Variants in RNF212 observed in about 807,000 individuals in gnomAD.
RNF212 encodes the protein probable E3 SUMO-protein ligase RNF212.
RNF212 carries 33 observed loss-of-function variants against 34.7 expected under a neutral mutation model. The ratio of observed to expected loss-of-function variants is 0.95; its 90% confidence interval spans 0.72 to 1.27. RNF212 has a LOEUF of 1.27. RNF212 is among the 50% of genes most tolerant of loss of function. RNF212 has a pLI of 0.00. For synonymous variants in RNF212, 140 were observed against 136.1 expected (o/e 1.03, Z -0.20); for missense variants, 377 against 362.2 (o/e 1.04, Z -0.33).
In RNF212 at chr4:1,096,793, C is replaced by T. The variant is rs766899794; in HGVS notation, c.218G>A (p.Cys73Tyr). 91 of 1,613,786 alleles carry T rather than the reference C, an allele frequency of 5.6e-5. No homozygotes were observed. The change falls in exon 3 of 10, where the codon TGT becomes TAT. Residue 73 changes from cysteine to tyrosine, a missense_variant. By Grantham distance (194) the Cys-to-Tyr change is radical. Coordinates refer to ENST00000433731, the MANE Select transcript of RNF212 (RefSeq NM_001131034.4). Reference sequence around the variant, plus strand: ...GGAGGTTTCCCTGGAGTACTTCTTACACAGACTGTCTATGCTCATGAAGAA... The same window carrying T: ...GGAGGTTTCCCTGGAGTACTTCTTATACAGACTGTCTATGCTCATGAAGAA... ...QAFFMSIDSL[C>Y]KKYSRETSQI...
intron 3 of RNF212, among the ~76,000 whole-genome samples, chr4:1,095,275 C>T (rs1490685740): frequency 2.3e-5 from 2 of 88,378 alleles, no homozygotes; most frequent in Non-Finnish European, 4.1e-5. Flanking sequence ...CCAAGCACAC[C>T]CCCCACAGCT....
chr4:1,077,961 A>G (rs1666419275), intron 8 of RNF212, among the ~76,000 whole-genome samples: 1 of 152,138 alleles, frequency 6.6e-6, no homozygotes, highest in Non-Finnish European at 1.5e-5. Flanking sequence ...GCTTGACCCA[A>G]CTGCCAAGGA....
chr4:1,088,259 G>T (rs1441827179), intron 4 of RNF212, among the ~76,000 whole-genome samples: 1 of 152,190 alleles, frequency 6.6e-6, no homozygotes, highest in Non-Finnish European at 1.5e-5. Flanking sequence ...ATTGGGACTG[G>T]AGCAAAGGTC....
At chr4:1,086,047 G>C in intron 4 of RNF212, 93 bp from the exon 5 acceptor site, 2 of 934,758 alleles carry the variant, frequency 2.1e-6, no homozygotes, top group Non-Finnish European at 3.5e-6. Context: ...TCAGAATGTG[G>C]GTTACTCTGC....
chr4:1,109,840 C>A (rs1428972854), intron 1 of RNF212, among the ~76,000 whole-genome samples: 1 of 152,188 alleles, frequency 6.6e-6, no homozygotes, highest in East Asian at 1.9e-4. Context: ...TATCCATACT[C>A]GCCTCAGTGT....
At chr4:1,094,021 G>C in intron 3 of RNF212, 1 of 1,514,776 alleles carries the variant, frequency 6.6e-7, no homozygotes, top group Non-Finnish European at 8.8e-7. Flanking sequence ...GATACTGTGG[G>C]TGATTCAGGC....
intron 4 of RNF212, among the ~76,000 whole-genome samples, chr4:1,088,952 C>A (rs562782889): frequency 6.6e-6 from 1 of 152,372 alleles, no homozygotes; most frequent in Non-Finnish European, 1.5e-5. Flanking sequence ...GATGTCCAGG[C>A]AGAAGTCTGC....
In RNF212 at chr4:1,072,264, G is replaced by A. The variant is rs1356083380; in HGVS notation, c.*610C>T. ...GGTTGGTGGGAGGTGGGGGAAGGAT[G>A]AACAGGTGGCGCACAGAGGATTTTT... On this transcript the variant is annotated 3_prime_UTR_variant, in exon 10 of 10. Transcript: ENST00000433731. The A allele has an allele frequency of 8.4e-6, 1 of 119,604 alleles. No homozygotes were observed. The highest frequency in any genetic ancestry group is 2.2e-4 in the East Asian group (1 of 4,542). 7.4% of individuals were successfully genotyped at this position (119,604 alleles called of 1,614,324 possible). A position where few individuals can be genotyped will look rare whatever the true frequency, so the allele number is the denominator to read the frequency against.
At chr4:1,109,549 G>A (rs1725331373) in intron 1 of RNF212, among the ~76,000 whole-genome samples, 1 of 152,120 alleles carries the variant, frequency 6.6e-6, no homozygotes, top group Non-Finnish European at 1.5e-5. Flanking sequence ...TAAGTGAGAG[G>A]TGGATTCACA....
At chr4:1,095,923 C>A (rs1577767740) in intron 3 of RNF212, among the ~76,000 whole-genome samples, 3 of 74,770 alleles carry the variant, frequency 4.0e-5, no homozygotes, top group Admixed American at 1.2e-4. Flanking sequence ...ACCAAGCACA[C>A]CTCCCACAGC....
At chr4:1,096,991 C>A in intron 2 of RNF212, 152 bp from the exon 3 acceptor site, 4 of 669,014 alleles carry the variant, frequency 6.0e-6, no homozygotes, top group Non-Finnish European at 5.4e-6. Flanking sequence ...CTGCCAGGGA[C>A]AGCCTCGATC....
intron 5 of RNF212, among the ~76,000 whole-genome samples, chr4:1,084,816 T>G (rs1278112833): frequency 6.6e-6 from 1 of 151,032 alleles, no homozygotes; most frequent in Non-Finnish European, 1.5e-5. Context: ...TGCTTGCTGA[T>G]GCCTGGAACA....
chr4:1,076,546 C>T (rs1719337549), intron 8 of RNF212, among the ~76,000 whole-genome samples: 1 of 152,160 alleles, frequency 6.6e-6, no homozygotes, highest in Admixed American at 6.5e-5. Context: ...GAGAGTGAGA[C>T]CTCAGTCTGC....
intron 2 of RNF212, among the ~76,000 whole-genome samples, chr4:1,102,664 A>G (rs556965045): frequency 6.2e-4 from 94 of 151,604 alleles, no homozygotes; most frequent in Middle Eastern, 6.9e-3. Context: ...CATCCTGGCT[A>G]ACATGGTGAA....
At chr4:1,084,178 C>T (rs1379474342) in intron 5 of RNF212, among the ~76,000 whole-genome samples, 2 of 152,064 alleles carry the variant, frequency 1.3e-5, no homozygotes, top group African/African-American at 2.4e-5. Context: ...CTCAAACTCC[C>T]GACCTCAGGT....
chr4:1,058,875 G>A (rs529774372), intron 3 of RNF212, among the ~76,000 whole-genome samples: 1 of 152,158 alleles, frequency 6.6e-6, no homozygotes, highest in African/African-American at 2.4e-5. Context: ...TCTGGAGCAC[G>A]AGCTTCCTCC....
intron 1 of RNF212, among the ~76,000 whole-genome samples, chr4:1,111,553 C>T (rs1012942615): frequency 3.3e-5 from 5 of 152,162 alleles, no homozygotes; most frequent in Non-Finnish European, 7.3e-5. Context: ...CCCTTGTCTC[C>T]GACTCATGTC....
chr4:1,093,436 A>T (rs1722507289), intron 3 of RNF212: 1 of 1,432,440 alleles, frequency 7.0e-7, no homozygotes, highest in African/African-American at 1.4e-5. Context: ...ATACCACCTC[A>T]CGTCACACAG....
At chr4:1,056,443 GA>G in exon 5 of RNF212, 1 of 914,554 alleles carries the variant, frequency 1.1e-6, no homozygotes, top group Non-Finnish European at 1.3e-6. Context: ...GGTCCCGCAG[GA>G]GGCATGGAAG....
Sources: gnomAD v4.1 joint callset for allele counts (sites outside exome capture counted in the v4.1 genomes callset) on GRCh38, gnomAD v4.1.1 for gene constraint, MANE v1.5 for transcripts, NCBI Gene and HGNC (gene_info 2026-07-23, HGNC 2026-07-21) for gene names.